The following LIPN variants were observed in gnomAD, a reference collection of about 807,000 sequenced individuals.
LIPN encodes lipase member N.
A neutral mutation model predicts 43.7 loss-of-function variants in LIPN; 32 were observed. The ratio of observed to expected loss-of-function variants is 0.73; its 90% CI spans 0.55 to 0.98. The LOEUF (loss-of-function observed/expected upper bound fraction) is 0.98. Ranked by LOEUF, LIPN falls within the 50% of genes least tolerant of loss-of-function variation. The pLI is 0.00. For missense variants in LIPN, 505 were observed against 483.8 expected, an observed-to-expected ratio of 1.04 and a Z score of -0.41; for synonymous variants, 156 against 157.6, an observed-to-expected ratio of 0.99 and a Z score of 0.08.
chr10:88,761,576 G>C, intron 2 of LIPN, 63 bp downstream of exon 2: 7 of 1,105,398 alleles, frequency 6.3e-6, no homozygotes, highest in East Asian at 4.8e-5. Context: ...ATGAGGTTAC[G>C]AAAGGTCCTG....
chr10:88,769,028 T>TA, intron 6 of LIPN, 100 bp downstream of exon 6: 1 of 1,186,040 alleles, frequency 8.4e-7, no homozygotes, highest in Non-Finnish European at 1.2e-6. Flanking sequence ...GAAATTTAGA[T>TA]AAAATCTATA....
At chr10:88,777,875 C>T in intron 9 of LIPN, 134 bp from the exon 10 acceptor site, 1 of 579,164 alleles carries the variant, frequency 1.7e-6, no homozygotes, top group Non-Finnish European at 3.1e-6. Flanking sequence ...AAGGTAGAGA[C>T]CATTGTATGT....
In LIPN at chr10:88,768,837, A is replaced by G; in HGVS notation, c.581A>G (p.Lys194Arg). 4 of 1,611,636 alleles carry G rather than the reference A, an allele frequency of 2.5e-6. No individual in the cohort carries two copies. Among genetic ancestry groups the G allele is most frequent in the Non-Finnish European group, 3.4e-6 (4 of 1,178,534 alleles). Residue 194 changes from lysine to arginine, a missense_variant, in exon 6 of 10, where the codon AAA (lysine) becomes AGA (arginine). Transcript: ENST00000404459. ...ATGCCTGAACTGGCACAAAGAATCAAAATGAATTTTGCCTTGGGTCCTACG... is the reference window on the plus strand; with the variant it reads ...ATGCCTGAACTGGCACAAAGAATCAGAATGAATTTTGCCTTGGGTCCTACG... ...STMPELAQRIKMNFALGPTIS... is the reference protein window; with the variant it reads ...STMPELAQRIRMNFALGPTIS...
At chr10:88,758,709 C>T (rs977017865), upstream of LIPN, among the ~76,000 whole-genome samples, 20 of 151,810 alleles carry the variant, frequency 1.3e-4, no homozygotes, top group African/African-American at 2.4e-4. Context: ...TTTGACATTA[C>T]TTTGTTTCTG....
chr10:88,769,670 C>A (rs1843173241), intron 6 of LIPN: 1 of 641,958 alleles, frequency 1.6e-6, no homozygotes, highest in Non-Finnish European at 1.9e-6. Context: ...GTTAGAATAT[C>A]AAAATAATTC....
chr10:88,764,657 A>C (rs1482174829), intron 4 of LIPN, 49 bp downstream of exon 4: 1 of 1,355,162 alleles, frequency 7.4e-7, no homozygotes, highest in African/African-American at 1.5e-5. Flanking sequence ...GGCAATTTAA[A>C]AAAAATAACG....
At chr10:88,772,457 C>T (rs1843225402) in intron 7 of LIPN, among the ~76,000 whole-genome samples, 1 of 151,892 alleles carries the variant, frequency 6.6e-6, no homozygotes, top group Admixed American at 6.6e-5. Flanking sequence ...GATCTAATTT[C>T]ATTCTTCTGC....
rs770925849 is a variant in LIPN, at chr10:88,768,051, CACACACACACAT to C, written c.536-740_536-729del. Reference sequence around the variant, plus strand: ...ACACACACACACACACACACACACACACACACACACATGCCAGTGGAGGCCCAGGAAGGGACC... The same window carrying C: ...ACACACACACACACACACACACACACGCCAGTGGAGGCCCAGGAAGGGACC... On this transcript the variant is annotated intron_variant, in intron 5 of 9. Coordinates refer to ENST00000404459, the MANE Select transcript of LIPN (RefSeq NM_001102469.2). 1.6e-3 allele frequency among the ~76,000 whole-genome samples: 234 copies of C among 146,680 alleles called. 3 individuals are homozygous for C. Among genetic ancestry groups the C allele is most frequent in the Middle Eastern group, 3.6e-3 (1 of 280 alleles).
At chr10:88,767,571 T>C (rs1366097172) in intron 5 of LIPN, among the ~76,000 whole-genome samples, 1 of 143,324 alleles carries the variant, frequency 7.0e-6, no homozygotes, top group East Asian at 2.1e-4. Context: ...AGAAATGGTG[T>C]AGAGAAGAAG....
chr10:88,770,713 A>C, intron 6 of LIPN, 132 bp from the exon 7 acceptor site: 1 of 534,674 alleles, frequency 1.9e-6, no homozygotes, highest in Admixed American at 3.6e-5. Context: ...TGCTATTGCT[A>C]TTTGGGCTTG....
At chr10:88,757,454 A>G (rs147740743), upstream of LIPN, among the ~76,000 whole-genome samples, 72 of 152,226 alleles carry the variant, frequency 4.7e-4, no homozygotes, top group East Asian at 9.3e-3. Context: ...TCCTTTGAAC[A>G]TTTTGAGTTG....
intron 3 of LIPN, 64 bp downstream of exon 3, chr10:88,762,369 AATGCTAGAT>A (rs1342926827): frequency 2.1e-6 from 2 of 940,704 alleles, no homozygotes; most frequent in Admixed American, 4.0e-5. Flanking sequence ...GGAGGAATTT[AATGCTAGAT>A]ATGCATCAAC....
Position 88,778,037 on chromosome 10 carries a change from C to T in LIPN, c.992C>T (p.Ala331Val), listed in dbSNP as rs752156648. The change falls in exon 10 of 10, where the codon GCC becomes GTC. Residue 331 changes from alanine to valine, a missense_variant. Ala to Val is a moderately conservative substitution (Grantham distance 64). Coordinates refer to ENST00000404459, the MANE Select transcript of LIPN (RefSeq NM_001102469.2). ...QSHPPIYDLT[A>V]MKVPTAIWAG... ...CATCCCCCTATATATGACCTGACTG[C>T]CATGAAAGTGCCTACTGCTATTTGG... 6.2e-7 allele frequency: 1 copy of T among 1,613,244 alleles called. No individual in the cohort carries two copies. Among genetic ancestry groups the T allele is most frequent in the East Asian group, 2.2e-5 (1 of 44,800 alleles).
At chr10:88,775,361 T>C (rs541333447) in intron 9 of LIPN, among the ~76,000 whole-genome samples, 198 bp downstream of exon 9, 1 of 151,966 alleles carries the variant, frequency 6.6e-6, no homozygotes, top group African/African-American at 2.4e-5. Flanking sequence ...GAAACTTACA[T>C]CATGTGTAAT....
In LIPN at chr10:88,768,694, G is replaced by A. The variant is rs1843152480; in HGVS notation, c.536-98G>A. 22 of 947,492 alleles carry A rather than the reference G, an allele frequency of 2.3e-5. No individual in the cohort carries two copies. In the South Asian group the frequency reaches 2.7e-4, roughly 12 times the overall value. The allele number at this position is 947,492 out of a possible 1,614,324, so 58.7% of individuals were successfully genotyped here. ...TCCAATTCATCCCCAGTATGATCAC[G>A]ATAGAAGGAAAAAATGACTAAGCAG... On this transcript the variant is annotated intron_variant, in intron 5 of 9. Coordinates refer to ENST00000404459, the MANE Select transcript of LIPN (RefSeq NM_001102469.2).
intron 6 of LIPN, among the ~76,000 whole-genome samples, chr10:88,769,941 G>A (rs1355267452): frequency 6.6e-6 from 1 of 151,872 alleles, no homozygotes; most frequent in African/African-American, 2.4e-5. Context: ...GACAGTGTGA[G>A]CAAACTAATT....
chr10:88,761,731 C>T (rs1843001298), intron 2 of LIPN, among the ~76,000 whole-genome samples: 1 of 74,442 alleles, frequency 1.3e-5, no homozygotes, highest in South Asian at 6.0e-4. Flanking sequence ...ATCTATCTAT[C>T]TATCTATCTA....
At chr10:88,765,121 G>C (rs1590175141) in intron 4 of LIPN, among the ~76,000 whole-genome samples, 1 of 152,094 alleles carries the variant, frequency 6.6e-6, no homozygotes, top group Non-Finnish European at 1.5e-5. Context: ...GAGAAACTGA[G>C]ATCGCACATA....
At chr10:88,757,805 A>C (rs1218339349), upstream of LIPN, among the ~76,000 whole-genome samples, 1 of 152,192 alleles carries the variant, frequency 6.6e-6, no homozygotes, top group Non-Finnish European at 1.5e-5. Flanking sequence ...TTACACACAC[A>C]CATATAGACT....
Sources: allele counts gnomAD v4.1 joint callset (sites outside exome capture counted in the v4.1 genomes callset), GRCh38; gene constraint gnomAD v4.1.1; transcripts MANE v1.5; gene names NCBI Gene and HGNC (gene_info 2026-07-23, HGNC 2026-07-21).